The following WASL variants were observed in gnomAD, a reference collection of about 807,000 sequenced individuals.
WASL encodes the protein actin nucleation-promoting factor WASL.
Under a neutral mutation model 55.5 loss-of-function variants are expected in WASL, and 20 were observed. That is an observed-to-expected ratio of 0.36 (90% CI 0.25 to 0.52). The LOEUF (loss-of-function observed/expected upper bound fraction) is 0.52, where lower values mean the gene tolerates loss of function less well. Among genes scored for constraint, WASL ranks in the 20% least tolerant of loss-of-function variants. The probability of loss-of-function intolerance (pLI) is 0.92; values close to 1 mark genes in which losing one functional copy is unlikely to be tolerated. For synonymous variants in WASL, 249 were observed against 217.6 expected (o/e 1.14, Z -1.27); for missense variants, 504 against 622.5 (o/e 0.81, Z 2.03).
intron 1 of WASL, among the ~76,000 whole-genome samples, chr7:123,740,767 T>C (rs13230294): frequency 0.43 from 65,817 of 151,882 alleles, 14,802 homozygotes; most frequent in South Asian, 0.66. Context: ...AGCTACTTTT[T>C]CTTGTAGAGA....
intron 1 of WASL, among the ~76,000 whole-genome samples, chr7:123,734,591 T>TAAAAAAAAAAA (rs71161498): frequency 6.5e-5 from 6 of 92,340 alleles, no homozygotes; most frequent in African/African-American, 8.5e-5. Context: ...ATAGAAAATG[T>TAAAAAAAAAAA]AAAAAAAAAA....
chr7:123,746,293 G>A (rs1376342780), intron 1 of WASL, among the ~76,000 whole-genome samples: 2 of 152,200 alleles, frequency 1.3e-5, no homozygotes, highest in East Asian at 1.9e-4. Flanking sequence ...TTGAATGAAA[G>A]AAGAAATGAA....
intron 2 of WASL, among the ~76,000 whole-genome samples, chr7:123,707,969 T>G (rs1803699154): frequency 6.6e-6 from 1 of 152,140 alleles, no homozygotes; most frequent in African/African-American, 2.4e-5. Flanking sequence ...GAGGATCACT[T>G]GAGTCCAGGA....
chr7:123,700,049 G>A lies in WASL; in HGVS notation c.461-3302C>T, dbSNP rs188195887. The stretch of plus-strand genomic sequence containing the variant: ...AAATTATCCGGGCATGGTGGCGCGC[G>A]CCTGTAGTCCCAGCTACACGGGAGG... On this transcript the variant is annotated intron_variant, in intron 5 of 10. Coordinates refer to ENST00000223023, the MANE Select transcript of WASL (RefSeq NM_003941.4). 2.5e-3 allele frequency among the ~76,000 whole-genome samples: 386 copies of A among 151,452 alleles called. 3 individuals carry two copies. The highest frequency in any genetic ancestry group is 8.6e-3 in the African/African-American group (354 of 41,324).
Position 123,684,382 on chromosome 7 carries a change from A to T in WASL, c.*137T>A, listed in dbSNP as rs893098260. 3.9e-5 allele frequency: 13 copies of T among 337,102 alleles called. No homozygotes were observed. The highest frequency in any genetic ancestry group is 7.5e-5 in the Admixed American group (2 of 26,604). 20.9% of individuals were successfully genotyped at this position (337,102 alleles called of 1,614,324 possible). A position where few individuals can be genotyped will look rare whatever the true frequency, so the allele number is the denominator to read the frequency against. ...GATTAAATGAGGTATTGCACAGATT[A>T]AAAAAAAGCAAAAAAGGCAACAAAA... On this transcript the variant is annotated 3_prime_UTR_variant, in exon 11 of 11. Transcript: ENST00000223023.
chr7:123,738,638 AT>A (rs1804277883), intron 1 of WASL, among the ~76,000 whole-genome samples: 1 of 152,184 alleles, frequency 6.6e-6, no homozygotes, highest in African/African-American at 2.4e-5. Flanking sequence ...AACCTGGACA[AT>A]TGGTAGTGGT....
intron 10 of WASL, among the ~76,000 whole-genome samples, chr7:123,687,426 A>G (rs143014849): frequency 3.3e-5 from 5 of 151,826 alleles, no homozygotes; most frequent in African/African-American, 1.2e-4. Flanking sequence ...AAGCTCCGTG[A>G]TCTCCTCATT....
intron 1 of WASL, among the ~76,000 whole-genome samples, chr7:123,744,311 T>A (rs1047664850): frequency 6.6e-6 from 1 of 152,146 alleles, no homozygotes; most frequent in Non-Finnish European, 1.5e-5. Flanking sequence ...AACAACCTAA[T>A]CAAGCAATAA....
intron 5 of WASL, among the ~76,000 whole-genome samples, chr7:123,701,664 A>G (rs1803592210): frequency 6.6e-6 from 1 of 152,210 alleles, no homozygotes. Context: ...AAGCACCTGC[A>G]TAGCTACTGG....
At chr7:123,693,750 G>A (rs1040452854) in intron 8 of WASL, among the ~76,000 whole-genome samples, 4 of 152,188 alleles carry the variant, frequency 2.6e-5, no homozygotes, top group African/African-American at 9.7e-5. Context: ...AGGATCACTT[G>A]AGGCCAAGAG....
intron 1 of WASL, among the ~76,000 whole-genome samples, chr7:123,716,649 AAG>A: frequency 6.6e-6 from 1 of 151,702 alleles, no homozygotes; most frequent in East Asian, 2.0e-4. Context: ...GAGAGAGGTA[AAG>A]AGAGAGGGAG....
intron 5 of WASL, 123 bp from the exon 6 acceptor site, chr7:123,696,870 T>C (rs2116775014): frequency 1.4e-6 from 1 of 718,260 alleles, no homozygotes; most frequent in East Asian, 3.6e-5. Context: ...ATTTATATTT[T>C]AAACTTCTAC....
chr7:123,687,948 T>G (rs1332348348), intron 10 of WASL, among the ~76,000 whole-genome samples: 2 of 152,194 alleles, frequency 1.3e-5, no homozygotes, highest in African/African-American at 2.4e-5. Context: ...CTAGGCAATC[T>G]GCAGGTTAGT....
chr7:123,712,393 T>C (rs1803772783), intron 1 of WASL, among the ~76,000 whole-genome samples: 1 of 152,152 alleles, frequency 6.6e-6, no homozygotes, highest in Non-Finnish European at 1.5e-5. Flanking sequence ...ATTTTGATAA[T>C]GATACTACAA....
chr7:123,684,756 T>C (rs1337664865), intron 10 of WASL, among the ~76,000 whole-genome samples, 176 bp from the exon 11 acceptor site: 3 of 151,998 alleles, frequency 2.0e-5, no homozygotes, highest in African/African-American at 2.4e-5. Context: ...TAGAGTATGA[T>C]AGTAAACTAA....
chr7:123,716,008 C>T (rs12333705), intron 1 of WASL, among the ~76,000 whole-genome samples: 113,780 of 151,996 alleles, frequency 0.75, 42,898 homozygotes, highest in South Asian at 0.83. Context: ...CTCATAGGTG[C>T]GGCTGGTTCT....
At chr7:123,689,584 T>C (rs1414698628) in intron 9 of WASL, among the ~76,000 whole-genome samples, 2 of 152,204 alleles carry the variant, frequency 1.3e-5, no homozygotes, top group Non-Finnish European at 2.9e-5. Context: ...AAAACAACTG[T>C]AGAAACTTAT....
chr7:123,724,660 G>A (rs1376594394), intron 1 of WASL, among the ~76,000 whole-genome samples: 1 of 152,032 alleles, frequency 6.6e-6, no homozygotes, highest in Non-Finnish European at 1.5e-5. Flanking sequence ...AACTGAGAGG[G>A]GTGCCTTTCT....
At chr7:123,725,250 A>G (rs1170881860) in intron 1 of WASL, among the ~76,000 whole-genome samples, 1 of 152,238 alleles carries the variant, frequency 6.6e-6, no homozygotes, top group East Asian at 1.9e-4. Flanking sequence ...ATTGTGGTAC[A>G]CAAACTGTAT....
Sources: allele counts gnomAD v4.1 joint callset (sites outside exome capture counted in the v4.1 genomes callset), GRCh38; gene constraint gnomAD v4.1.1; transcripts MANE v1.5; gene names NCBI Gene and HGNC (gene_info 2026-07-23, HGNC 2026-07-21).